GPRIN3: variants seen among roughly 807,000 people sequenced by gnomAD.
GPRIN3 encodes the protein GPRIN family member 3, also known as G protein-regulated inducer of neurite outgrowth 3.
GPRIN3 carries 12 observed loss-of-function variants against 13.7 expected under a neutral mutation model. The ratio of observed to expected loss-of-function variants is 0.87; its 90% CI spans 0.56 to 1.42. GPRIN3 has a LOEUF of 1.42. Among genes scored for constraint, GPRIN3 ranks in the 40% most tolerant of loss-of-function variants. The pLI is 0.00. For missense variants in GPRIN3, 1,009 were observed against 958.7 expected (o/e 1.05, Z -0.69); for synonymous variants, 377 against 372.7 (o/e 1.01, Z -0.13).
Position 89,250,178 on chromosome 4 carries a change from G to T in GPRIN3, c.-68C>A, listed in dbSNP as rs565435541. On this transcript the variant is annotated 5_prime_UTR_variant, in exon 2 of 2. Transcript: ENST00000609438. The stretch of plus-strand genomic sequence containing the variant: ...GGTCCCACTGGTGGGGGAGGGGAGC[G>T]CAGTCAGAGCTCAGAGTGATGACAC... The T allele has an allele frequency of 1.1e-5, 17 of 1,536,970 alleles. No individual in the cohort carries two copies. Among genetic ancestry groups the T allele is most frequent in the Non-Finnish European group, 1.1e-5 (12 of 1,142,474 alleles).
At chr4:89,269,261 T>C (rs1300527535) in intron 1 of GPRIN3, among the ~76,000 whole-genome samples, 1 of 152,196 alleles carries the variant, frequency 6.6e-6, no homozygotes, top group Non-Finnish European at 1.5e-5. Context: ...CCTTTACAAA[T>C]TAGATGAATA....
intron 1 of GPRIN3, among the ~76,000 whole-genome samples, chr4:89,277,738 C>T (rs538236642): frequency 2.6e-5 from 4 of 152,318 alleles, no homozygotes; most frequent in Admixed American, 2.6e-4. Flanking sequence ...TCTAGTTTCA[C>T]GCTGTGGTCA....
At chr4:89,295,401 A>C (rs1383128921) in intron 1 of GPRIN3, among the ~76,000 whole-genome samples, 1 of 152,176 alleles carries the variant, frequency 6.6e-6, no homozygotes, top group Admixed American at 6.5e-5. Context: ...ACAGACAAAT[A>C]TATTCATTTT....
intron 1 of GPRIN3, among the ~76,000 whole-genome samples, chr4:89,294,398 A>T (rs934779793): frequency 5.9e-5 from 9 of 152,200 alleles, no homozygotes; most frequent in African/African-American, 2.2e-4. Context: ...AAGAAAATTG[A>T]AACCAATTTC....
At chr4:89,279,438 G>A (rs1357942344) in intron 1 of GPRIN3, among the ~76,000 whole-genome samples, 5 of 152,024 alleles carry the variant, frequency 3.3e-5, no homozygotes, top group Admixed American at 1.3e-4. Flanking sequence ...AGTCTTTCCT[G>A]GCCCATGTAG....
Position 89,247,369 on chromosome 4 carries a change from A to G in GPRIN3, c.*411T>C, listed in dbSNP as rs1363259996. 2.5e-5 allele frequency: 4 copies of G among 157,068 alleles called. No individual in the cohort carries two copies. The highest frequency in any genetic ancestry group is 9.6e-5 in the African/African-American group (4 of 41,574). The allele number at this position is 157,068 out of a possible 1,614,324, so 9.7% of individuals were successfully genotyped here. The stretch of plus-strand genomic sequence containing the variant: ...AGAAATTATAACAATGTTTTCGCCA[A>G]TAGTGTTTTTGCTACTTTCAATATG... On this transcript the variant is annotated 3_prime_UTR_variant, in exon 2 of 2. Transcript: ENST00000609438.
In GPRIN3 at chr4:89,248,695, A is replaced by G. The variant is rs34922540; in HGVS notation, c.1416T>C (p.Ser472=). The G allele has an allele frequency of 3.3e-3, 5,318 of 1,614,170 alleles. 139 individuals carry two copies. The African/African-American group carries it at 0.057, about 17-fold the overall frequency. Residue 472 remains serine (S), a synonymous_variant, in exon 2 of 2, where the codon TCT becomes TCC. Transcript: ENST00000609438. ...TTTCAGCTTGACTGCATGCACTGAT[A>G]GAAATCTGGTCAATGGCGGTAGCTT... ...SLKATAIDQI[S]ISACSQAETS...
chr4:89,264,986 C>A (rs1294631092), intron 1 of GPRIN3, among the ~76,000 whole-genome samples: 1 of 152,150 alleles, frequency 6.6e-6, no homozygotes, highest in Non-Finnish European at 1.5e-5. Flanking sequence ...AATAAGCTCT[C>A]AGCAAACATT....
At chr4:89,300,474 C>A (rs1339595609) in intron 1 of GPRIN3, among the ~76,000 whole-genome samples, 2 of 152,052 alleles carry the variant, frequency 1.3e-5, no homozygotes, top group Admixed American at 1.3e-4. Context: ...TAAACACTGG[C>A]TTAATTAAAA....
At chr4:89,256,893 T>A (rs1578079863) in intron 1 of GPRIN3, among the ~76,000 whole-genome samples, 1 of 152,194 alleles carries the variant, frequency 6.6e-6, no homozygotes, top group East Asian at 1.9e-4. Context: ...TTGCTCCCTT[T>A]AATTGGGAAC....
intron 1 of GPRIN3, among the ~76,000 whole-genome samples, chr4:89,270,013 T>C (rs1236172172): frequency 6.6e-6 from 1 of 152,202 alleles, no homozygotes; most frequent in East Asian, 1.9e-4. Context: ...AGCTTGAGTA[T>C]CTTTAATTCT....
At position 89,247,033 on chromosome 4, in the gene GPRIN3, C is replaced by A. The variant is rs551908019; in HGVS notation, c.*747G>T. The stretch of plus-strand genomic sequence containing the variant: ...GTCAGAATCACAGAGATGCGCCTTG[C>A]CTTCAGTGCAGGAAAATGGGTCTAT... On this transcript the variant is annotated 3_prime_UTR_variant, in exon 2 of 2. Transcript: ENST00000609438. The A allele has an allele frequency of 3.3e-5, 5 of 152,226 alleles. No individual in the cohort carries two copies. In the South Asian group the frequency reaches 1.0e-3, roughly 32 times the overall value. 9.4% of individuals were successfully genotyped at this position (152,226 alleles called of 1,614,324 possible).
In GPRIN3 at chr4:89,243,884, A is replaced by T. The variant is rs1434329760; in HGVS notation, c.*3896T>A. 6.6e-6 allele frequency: 1 copy of T among 152,236 alleles called. No homozygotes were observed. The highest frequency in any genetic ancestry group is 2.4e-5 in the African/African-American group (1 of 41,464). 9.4% of individuals were successfully genotyped at this position (152,236 alleles called of 1,614,324 possible). ...GGGATGTGGTTAATTATGTGTTACT[A>T]GGAGTAGACAAAATTTTAAACACTT... On this transcript the variant is annotated 3_prime_UTR_variant, in exon 2 of 2. Transcript: ENST00000609438.
At chr4:89,256,658 C>A (rs919252269) in intron 1 of GPRIN3, among the ~76,000 whole-genome samples, 2 of 152,160 alleles carry the variant, frequency 1.3e-5, no homozygotes, top group Non-Finnish European at 2.9e-5. Context: ...ACTGCTAGAA[C>A]AAGGGCTCCA....
chr4:89,271,581 T>TG (rs1346879252), intron 1 of GPRIN3, among the ~76,000 whole-genome samples: 1 of 151,618 alleles, frequency 6.6e-6, no homozygotes, highest in African/African-American at 2.4e-5. Flanking sequence ...CTTGTATTTT[T>TG]TATTATTGTA....
chr4:89,290,520 A>T (rs1391331859), intron 1 of GPRIN3, among the ~76,000 whole-genome samples: 1 of 152,130 alleles, frequency 6.6e-6, no homozygotes, highest in Non-Finnish European at 1.5e-5. Flanking sequence ...ATTAAGTTTC[A>T]GGACAAATGC....
chr4:89,287,773 G>A (rs1724462810), intron 1 of GPRIN3, among the ~76,000 whole-genome samples: 1 of 152,184 alleles, frequency 6.6e-6, no homozygotes, highest in African/African-American at 2.4e-5. Context: ...TAAATAAAAT[G>A]TGGAATGAAA....
In GPRIN3 at chr4:89,243,408, G is replaced by A. The variant is rs1390271476; in HGVS notation, c.*4372C>T. 1 of 152,158 alleles carries A rather than the reference G, an allele frequency of 6.6e-6. No homozygotes were observed. The highest frequency in any genetic ancestry group is 1.9e-4 in the East Asian group (1 of 5,200). The allele number at this position is 152,158 out of a possible 1,614,324, so 9.4% of individuals were successfully genotyped here. A position where few individuals can be genotyped will look rare whatever the true frequency, so the allele number is the denominator to read the frequency against. ...TCAGCATATCCTCTGTTATTTGCCA[G>A]GTGGCAGCAGCTGACCCGAATTTGG... On this transcript the variant is annotated 3_prime_UTR_variant, in exon 2 of 2. Transcript: ENST00000609438.
chr4:89,299,575 A>T (rs748248754), intron 1 of GPRIN3, among the ~76,000 whole-genome samples: 16 of 152,040 alleles, frequency 1.1e-4, no homozygotes, highest in South Asian at 2.1e-4. Flanking sequence ...CTCATTTTTT[A>T]GCCATAGTAA....
Sources: gnomAD v4.1 joint callset for allele counts (sites outside exome capture counted in the v4.1 genomes callset) on GRCh38, gnomAD v4.1.1 for gene constraint, MANE v1.5 for transcripts, NCBI Gene and HGNC (gene_info 2026-07-23, HGNC 2026-07-21) for gene names.